Variants in DSG4 observed in about 807,000 individuals in gnomAD.
The protein encoded by DSG4 is desmoglein-4.
A neutral mutation model predicts 93.1 loss-of-function variants in DSG4; 87 were observed. The ratio of observed to expected loss-of-function variants is 0.93; its 90% CI spans 0.79 to 1.12. The LOEUF is 1.12. Ranked by LOEUF, DSG4 falls within the 50% of genes most tolerant of loss-of-function variation. DSG4 has a pLI of 0.00. For missense variants in DSG4, 1,373 were observed against 1,285.7 expected, an observed-to-expected ratio of 1.07 and a Z score of -1.04; for synonymous variants, 432 against 452.9, an observed-to-expected ratio of 0.95 and a Z score of 0.59.
At chr18:31,390,523 A>T in intron 5 of DSG4, 133 bp from the exon 6 acceptor site, 1 of 1,009,364 alleles carries the variant, frequency 9.9e-7, no homozygotes, top group Non-Finnish European at 1.5e-6. Context: ...AAGTTATGGT[A>T]CTATATTCCC....
chr18:31,408,458 T>C (rs1250021209), intron 12 of DSG4, among the ~76,000 whole-genome samples: 1 of 152,248 alleles, frequency 6.6e-6, no homozygotes, highest in Non-Finnish European at 1.5e-5. Context: ...TCACTGTTCA[T>C]AGTGCAGATG....
intron 1 of DSG4, among the ~76,000 whole-genome samples, chr18:31,381,864 T>C (rs1204316710): frequency 6.8e-6 from 1 of 147,928 alleles, no homozygotes; most frequent in Non-Finnish European, 1.5e-5. Context: ...AGAGATGGGG[T>C]TTCACTATGT....
intron 9 of DSG4, among the ~76,000 whole-genome samples, chr18:31,399,792 T>G (rs1037287566): frequency 1.7e-4 from 26 of 152,314 alleles, no homozygotes; most frequent in African/African-American, 6.3e-4. Context: ...TCAAAGAGCC[T>G]CCTAAATTAC....
intron 3 of DSG4, among the ~76,000 whole-genome samples, chr18:31,387,523 T>C (rs963543597): frequency 6.6e-6 from 1 of 152,180 alleles, no homozygotes; most frequent in Non-Finnish European, 1.5e-5. Context: ...GGAGGGACGC[T>C]TTTAAATTAT....
At chr18:31,398,051 T>C (rs926320371) in intron 8 of DSG4, among the ~76,000 whole-genome samples, 4 of 144,934 alleles carry the variant, frequency 2.8e-5, no homozygotes, top group South Asian at 2.2e-4. Flanking sequence ...AAAAAAAAAC[T>C]TGAGGTTCTC....
intron 3 of DSG4, 136 bp from the exon 4 acceptor site, chr18:31,388,231 C>T: frequency 2.1e-6 from 2 of 962,136 alleles, no homozygotes; most frequent in Non-Finnish European, 3.2e-6. Flanking sequence ...TCCAGGGTCA[C>T]ACAGGACTAA....
chr18:31,397,575 T>G (rs1168407531), intron 8 of DSG4, among the ~76,000 whole-genome samples: 2 of 152,172 alleles, frequency 1.3e-5, no homozygotes, highest in Non-Finnish European at 2.9e-5. Flanking sequence ...TTCCTGTTCC[T>G]AGATTATGTG....
Position 31,388,999 on chromosome 18 carries a change from T to C in DSG4, c.498T>C (p.Ile166=), listed in dbSNP as rs779253679. The part of the protein sequence containing the change: ...VFSQSVYTAS[I]EENSDANTLV... Reference sequence around the variant, plus strand: ...CGCAAAGTGTATACACAGCCAGCATTGAAGAAAATAGTGATGCCAGTAAGT... The same window carrying C: ...CGCAAAGTGTATACACAGCCAGCATCGAAGAAAATAGTGATGCCAGTAAGT... The change falls in exon 5 of 16, where the codon ATT becomes ATC. Residue 166 remains isoleucine (I), a synonymous_variant. Coordinates refer to ENST00000308128, the MANE Select transcript of DSG4 (RefSeq NM_177986.5). 2.5e-6 allele frequency: 4 copies of C among 1,613,220 alleles called. No individual in the cohort carries two copies. The highest frequency in any genetic ancestry group is 3.4e-6 in the Non-Finnish European group (4 of 1,179,352).
intron 8 of DSG4, among the ~76,000 whole-genome samples, chr18:31,396,791 C>T (rs1455372653): frequency 6.6e-6 from 1 of 152,190 alleles, no homozygotes; most frequent in African/African-American, 2.4e-5. Context: ...TAACTGCCAC[C>T]TTCGTGTCTC....
In DSG4 at chr18:31,390,830, C is replaced by T. The variant is rs1030781108; in HGVS notation, c.684+8C>T. 5 of 1,612,674 alleles carry T rather than the reference C, an allele frequency of 3.1e-6. No homozygotes were observed. The African/African-American group carries it at 6.7e-5, about 22-fold the overall frequency. On this transcript the variant is annotated splice_region_variant and intron_variant, in intron 6 of 15. Transcript: ENST00000308128. ...AGTTTCTTGGACAGAGAGGTAAAGC[C>T]TTCTGTGAATGAACAAGAACTAAAA...
intron 11 of DSG4, among the ~76,000 whole-genome samples, chr18:31,405,251 T>C (rs1339382583): frequency 1.3e-5 from 2 of 152,198 alleles, no homozygotes. Context: ...GACAATATGT[T>C]TTATGAAAAT....
intron 8 of DSG4, among the ~76,000 whole-genome samples, chr18:31,394,378 G>A (rs1294918858): frequency 1.3e-5 from 2 of 152,148 alleles, no homozygotes; most frequent in Non-Finnish European, 2.9e-5. Flanking sequence ...GGGAGTTTGA[G>A]ACCAGCCTGA....
At chr18:31,389,071 T>C (rs1211298837) in intron 5 of DSG4, 53 bp downstream of exon 5, 1 of 1,602,410 alleles carries the variant, frequency 6.2e-7, no homozygotes, top group East Asian at 2.2e-5. Context: ...CTTCTCTTGG[T>C]CAAAAGCTTT....
At chr18:31,393,094 T>C (rs1055047274) in intron 8 of DSG4, among the ~76,000 whole-genome samples, 1 of 152,172 alleles carries the variant, frequency 6.6e-6, no homozygotes, top group Admixed American at 6.5e-5. Flanking sequence ...CCAATAAGAT[T>C]CAGATTAACA....
At position 31,406,364 on chromosome 18, in the gene DSG4, C is replaced by G; in HGVS notation, c.1924C>G (p.Leu642Val). Residue 642 changes from leucine to valine, a missense_variant, in exon 12 of 16, where the codon CTA (leucine) becomes GTA (valine). Leu to Val is a conservative substitution (Grantham distance 32). Transcript: ENST00000308128. ...TGGCATGATGGTTCTGGGCATCCTG[C>G]TACTGATTTGTAAGTACTCAATTAA... ...GIGMMVLGIL[L>V]LILAPLLLLL... The G allele has an allele frequency of 6.2e-7, 1 of 1,614,192 alleles. No homozygotes were observed. The highest frequency in any genetic ancestry group is 8.5e-7 in the Non-Finnish European group (1 of 1,180,044).
chr18:31,413,126 C>T lies in DSG4; in HGVS notation c.2654C>T (p.Pro885Leu), dbSNP rs746856669. ...GTTAATGAATCTTCAGGATTGACTCCCTCAGAAGTTGAATTCCAAGAAGAA... is the reference window on the plus strand; with the variant it reads ...GTTAATGAATCTTCAGGATTGACTCTCTCAGAAGTTGAATTCCAAGAAGAA... ...YFVNESSGLTPSEVEFQEEMA... is the reference protein window; with the variant it reads ...YFVNESSGLTLSEVEFQEEMA... The change falls in exon 16 of 16, where the codon CCC (proline) becomes CTC (leucine). Residue 885 changes from proline to leucine, a missense_variant. Transcript: ENST00000308128. The T allele has an allele frequency of 2.5e-6, 4 of 1,613,998 alleles. No homozygotes were observed. Among genetic ancestry groups the T allele is most frequent in the Non-Finnish European group, 2.5e-6 (3 of 1,180,018 alleles).
intron 12 of DSG4, among the ~76,000 whole-genome samples, chr18:31,406,922 C>T (rs1029828672): frequency 2.6e-5 from 4 of 151,928 alleles, no homozygotes; most frequent in Non-Finnish European, 5.9e-5. Context: ...GGACTACAGG[C>T]GCCCACCACC....
Position 31,414,524 on chromosome 18 carries a change from T to G in DSG4, c.*929T>G, listed in dbSNP as rs547207992. 4 of 152,276 alleles carry G rather than the reference T, an allele frequency of 2.6e-5. No homozygotes were observed. The East Asian group carries it at 7.7e-4, about 29-fold the overall frequency. The allele number at this position is 152,276 out of a possible 1,614,324, so 9.4% of individuals were successfully genotyped here. A position where few individuals can be genotyped will look rare whatever the true frequency, so the allele number is the denominator to read the frequency against. On this transcript the variant is annotated 3_prime_UTR_variant, in exon 16 of 16. Coordinates refer to ENST00000308128, the MANE Select transcript of DSG4 (RefSeq NM_177986.5). ...CAATATTTACTTAGAAGCAACTAGGTGTTGGGTGCTAGTCTTGGCTCTGTG... is the reference window on the plus strand; with the variant it reads ...CAATATTTACTTAGAAGCAACTAGGGGTTGGGTGCTAGTCTTGGCTCTGTG...
At position 31,414,434 on chromosome 18, in the gene DSG4, C is replaced by T. The variant is rs1401120681; in HGVS notation, c.*839C>T. 1 of 152,064 alleles carries T rather than the reference C, an allele frequency of 6.6e-6. No individual in the cohort carries two copies. Among genetic ancestry groups the T allele is most frequent in the African/African-American group, 2.4e-5 (1 of 41,398 alleles). 9.4% of individuals were successfully genotyped at this position (152,064 alleles called of 1,614,324 possible). ...CTTAACCAATTTCATTGACCTGAAT[C>T]GTAGAGCTTTCAATTGGCAACCAGA... On this transcript the variant is annotated 3_prime_UTR_variant, in exon 16 of 16. Transcript: ENST00000308128.
Sources: gnomAD v4.1 joint callset for allele counts (sites outside exome capture counted in the v4.1 genomes callset) on GRCh38, gnomAD v4.1.1 for gene constraint, MANE v1.5 for transcripts, NCBI Gene and HGNC (gene_info 2026-07-23, HGNC 2026-07-21) for gene names.